Variants in EYS observed in about 807,000 individuals in gnomAD.
EYS encodes the protein protein eyes shut homolog.
Under a neutral mutation model 282.1 loss-of-function variants are expected in EYS, and 250 were observed. The ratio of observed to expected loss-of-function variants is 0.89; its 90% CI spans 0.80 to 0.98. EYS has a LOEUF of 0.98. Ranked by LOEUF, EYS falls within the 50% of genes least tolerant of loss-of-function variation. EYS has a pLI of 0.00. For synonymous variants in EYS, 1,355 were observed against 1,282.9 expected (o/e 1.06, Z -1.20); for missense variants, 4,016 against 3,709.0 (o/e 1.08, Z -2.15).
At chr6:64,186,811 G>A (rs908064808) in intron 31 of EYS, among the ~76,000 whole-genome samples, 2 of 152,046 alleles carry the variant, frequency 1.3e-5, no homozygotes, top group Non-Finnish European at 2.9e-5. Flanking sequence ...TTAAATACGC[G>A]CACTTGTAAC....
chr6:64,979,732 A>G (rs551462390), intron 14 of EYS, among the ~76,000 whole-genome samples: 1 of 151,636 alleles, frequency 6.6e-6, no homozygotes, highest in Non-Finnish European at 1.5e-5. Context: ...TTGCTAACAT[A>G]TAATAAAGAT....
At chr6:65,045,521 C>T (rs982355396) in intron 13 of EYS, among the ~76,000 whole-genome samples, 2 of 151,716 alleles carry the variant, frequency 1.3e-5, no homozygotes, top group South Asian at 2.1e-4. Context: ...ATAAGAAATT[C>T]GAGTCCTTAT....
At chr6:64,504,707 C>CAGAT (rs1777159706) in intron 26 of EYS, among the ~76,000 whole-genome samples, 1 of 152,104 alleles carries the variant, frequency 6.6e-6, no homozygotes, top group African/African-American at 2.4e-5. Flanking sequence ...CAGGAAAGGG[C>CAGAT]CTTAGGGACA....
At chr6:64,613,536 A>C (rs1767175541) in intron 24 of EYS, among the ~76,000 whole-genome samples, 1 of 152,112 alleles carries the variant, frequency 6.6e-6, no homozygotes, top group East Asian at 1.9e-4. Flanking sequence ...TTCCCACTAA[A>C]GGAAAACTTC....
At chr6:64,946,912 T>C (rs1472267204) in intron 14 of EYS, among the ~76,000 whole-genome samples, 1 of 151,972 alleles carries the variant, frequency 6.6e-6, no homozygotes, top group Non-Finnish European at 1.5e-5. Flanking sequence ...TAGCTTTTTG[T>C]AGTGGCTACT....
chr6:63,810,304 A>ACCC (rs35022381), intron 36 of EYS, among the ~76,000 whole-genome samples: 1 of 107,458 alleles, frequency 9.3e-6, no homozygotes, highest in African/African-American at 3.5e-5. Flanking sequence ...GACAAAAACA[A>ACCC]CCCCCCCCCC....
intron 22 of EYS, among the ~76,000 whole-genome samples, chr6:64,664,163 T>C (rs1002083537): frequency 6.6e-6 from 1 of 152,160 alleles, no homozygotes; most frequent in Non-Finnish European, 1.5e-5. Context: ...CATGATTTAA[T>C]AGAGTGAAAA....
intron 37 of EYS, among the ~76,000 whole-genome samples, chr6:63,791,304 G>A (rs1179174592): frequency 1.3e-5 from 2 of 152,056 alleles, no homozygotes; most frequent in Non-Finnish European, 1.5e-5. Flanking sequence ...GGTGGCTCAC[G>A]CCTGTAATCC....
At chr6:65,508,097 T>C (rs536014779) in intron 2 of EYS, among the ~76,000 whole-genome samples, 2 of 152,206 alleles carry the variant, frequency 1.3e-5, no homozygotes, top group South Asian at 2.1e-4. Context: ...TTTGGCTTTA[T>C]TTAGAGTTTG....
intron 11 of EYS, among the ~76,000 whole-genome samples, chr6:65,301,311 C>T (rs1272071565): frequency 1.3e-5 from 2 of 152,152 alleles, no homozygotes; most frequent in African/African-American, 4.8e-5. Context: ...CTGGCTAACA[C>T]GGTGAAACCC....
chr6:65,649,095 G>A (rs1310959795), intron 1 of EYS, among the ~76,000 whole-genome samples: 4 of 128,866 alleles, frequency 3.1e-5, no homozygotes, highest in Admixed American at 9.9e-5. Flanking sequence ...CTGAGATCGC[G>A]CCACTGCACT....
At chr6:65,317,339 T>C (rs1256525735) in intron 11 of EYS, among the ~76,000 whole-genome samples, 2 of 152,238 alleles carry the variant, frequency 1.3e-5, no homozygotes, top group African/African-American at 4.8e-5. Flanking sequence ...CAGAAAATTA[T>C]ACATTTAAAG....
At chr6:64,312,366 G>A (rs1769750063) in intron 29 of EYS, among the ~76,000 whole-genome samples, 1 of 152,090 alleles carries the variant, frequency 6.6e-6, no homozygotes, top group Non-Finnish European at 1.5e-5. Context: ...CTGAACAAAT[G>A]GTATCAGCCC....
At chr6:64,449,944 C>T (rs952066253) in intron 26 of EYS, among the ~76,000 whole-genome samples, 6 of 151,992 alleles carry the variant, frequency 3.9e-5, no homozygotes, top group Non-Finnish European at 7.4e-5. Flanking sequence ...AGAAACTGCA[C>T]CAACTAACGA....
At chr6:65,272,839 T>C (rs1288470917) in intron 12 of EYS, among the ~76,000 whole-genome samples, 1 of 152,124 alleles carries the variant, frequency 6.6e-6, no homozygotes, top group Non-Finnish European at 1.5e-5. Context: ...TATGCATAAA[T>C]ATATTGGCAT....
At chr6:64,898,566 A>G (rs760354740) in intron 18 of EYS, among the ~76,000 whole-genome samples, 5 of 152,044 alleles carry the variant, frequency 3.3e-5, no homozygotes, top group Non-Finnish European at 5.9e-5. Context: ...ATAACCAGCT[A>G]GCATCATAAT....
intron 30 of EYS, among the ~76,000 whole-genome samples, chr6:64,244,581 C>G (rs1245952512): frequency 2.0e-5 from 3 of 152,146 alleles, no homozygotes; most frequent in Non-Finnish European, 4.4e-5. Context: ...ATATAGCCCT[C>G]TCACATTCAC....
intron 22 of EYS, among the ~76,000 whole-genome samples, chr6:64,653,808 T>C (rs985385742): frequency 6.6e-6 from 1 of 150,828 alleles, no homozygotes; most frequent in Non-Finnish European, 1.5e-5. Context: ...TAAGTGATCA[T>C]CCCGCCTCTG....
At chr6:63,840,628 A>G (rs767291314) in intron 36 of EYS, among the ~76,000 whole-genome samples, 2 of 152,158 alleles carry the variant, frequency 1.3e-5, no homozygotes, top group Non-Finnish European at 2.9e-5. Flanking sequence ...AATGTCTTCA[A>G]GAATTCATCC....
Sources: allele counts gnomAD v4.1 joint callset (sites outside exome capture counted in the v4.1 genomes callset), GRCh38; gene constraint gnomAD v4.1.1; transcripts MANE v1.5; gene names NCBI Gene and HGNC (gene_info 2026-07-23, HGNC 2026-07-21).